The following PPM1D variants were observed in gnomAD, a reference collection of about 807,000 sequenced individuals.
PPM1D encodes protein phosphatase 1D.
In PPM1D, 52 loss-of-function variants were observed where a neutral mutation model predicts 58.3. The ratio of observed to expected loss-of-function variants is 0.89; its 90% CI spans 0.71 to 1.12. The LOEUF (loss-of-function observed/expected upper bound fraction) is 1.12, where lower values mean the gene tolerates loss of function less well. PPM1D is among the 50% of genes most tolerant of loss of function. PPM1D has a pLI of 0.00. For missense variants in PPM1D, 564 were observed against 777.2 expected (o/e 0.73, Z 3.26); for synonymous variants, 278 against 285.1 (o/e 0.98, Z 0.25).
intron 5 of PPM1D, among the ~76,000 whole-genome samples, chr17:60,661,333 A>G (rs1377260415): frequency 3.3e-5 from 5 of 151,126 alleles, no homozygotes; most frequent in African/African-American, 1.2e-4. Flanking sequence ...TTCAGAATCT[A>G]TTAATATTTT....
intron 2 of PPM1D, among the ~76,000 whole-genome samples, chr17:60,632,359 C>T (rs557928526): frequency 6.6e-6 from 1 of 152,208 alleles, no homozygotes; most frequent in South Asian, 2.1e-4. Context: ...TACAGAAATA[C>T]CTAAATATAT....
chr17:60,638,831 A>G (rs1466660949), intron 3 of PPM1D, among the ~76,000 whole-genome samples: 2 of 151,196 alleles, frequency 1.3e-5, no homozygotes, highest in East Asian at 2.0e-4. Context: ...GGGCGGGGGA[A>G]GGGGTGGGAA....
chr17:60,606,999 A>T (rs28433822), intron 1 of PPM1D, among the ~76,000 whole-genome samples: 10 of 143,036 alleles, frequency 7.0e-5, no homozygotes, highest in African/African-American at 1.5e-4. Context: ...TTTTTTTTTA[A>T]TTTTTTTTTT....
chr17:60,633,794 C>T, intron 2 of PPM1D, 59 bp from the exon 3 acceptor site: 1 of 1,417,030 alleles, frequency 7.1e-7, no homozygotes, highest in South Asian at 1.3e-5. Flanking sequence ...ATATACTGAG[C>T]TATCTTAGTT....
chr17:60,639,689 C>G (rs573835686), intron 3 of PPM1D, among the ~76,000 whole-genome samples: 1 of 152,308 alleles, frequency 6.6e-6, no homozygotes, highest in Non-Finnish European at 1.5e-5. Flanking sequence ...CCGCCTGCCT[C>G]GGGTTCCCAA....
chr17:60,609,291 CACCATGTTGG>C (rs1359977457), intron 1 of PPM1D, among the ~76,000 whole-genome samples: 1 of 151,738 alleles, frequency 6.6e-6, no homozygotes, highest in African/African-American at 2.4e-5. Flanking sequence ...GATGGGGTTT[CACCATGTTGG>C]CCAGGCTGGT....
Position 60,645,546 on chromosome 17 carries a change from G to GTA in PPM1D, c.827-2338_827-2337dup, listed in dbSNP as rs771054328. On this transcript the variant is annotated intron_variant, in intron 3 of 5. Transcript: ENST00000305921. ...TGTATATATATATGTGTATATATATGTATATATATGTGTGTGTATATATAT... is the reference window on the plus strand; with the variant it reads ...TGTATATATATATGTGTATATATATGTATATATATATGTGTGTGTATATATAT... 6.9e-5 allele frequency among the ~76,000 whole-genome samples: 8 copies of GTA among 115,258 alleles called. No homozygotes were observed. In the East Asian group the frequency reaches 1.2e-3, roughly 18 times the overall value. The allele number at this position is 115,258 out of a possible 152,430, so 75.6% of individuals were successfully genotyped here. A position where few individuals can be genotyped will look rare whatever the true frequency, so the allele number is the denominator to read the frequency against.
At chr17:60,640,899 G>T (rs889729472) in intron 3 of PPM1D, among the ~76,000 whole-genome samples, 1 of 151,948 alleles carries the variant, frequency 6.6e-6, no homozygotes, top group Non-Finnish European at 1.5e-5. Flanking sequence ...ATGGCCTCCA[G>T]CTGCATCTGT....
At chr17:60,644,888 T>A (rs1198932521) in intron 3 of PPM1D, among the ~76,000 whole-genome samples, 2 of 152,224 alleles carry the variant, frequency 1.3e-5, no homozygotes, top group African/African-American at 4.8e-5. Context: ...TACTTAGGTA[T>A]AATTGTAACA....
At chr17:60,653,563 TTA>T (rs2031382887) in intron 4 of PPM1D, among the ~76,000 whole-genome samples, 1 of 152,194 alleles carries the variant, frequency 6.6e-6, no homozygotes, top group Non-Finnish European at 1.5e-5. Flanking sequence ...AAAGAAAAAA[TTA>T]TGTGAAGAAT....
At chr17:60,621,496 G>A (rs960000030) in intron 1 of PPM1D, among the ~76,000 whole-genome samples, 9 of 151,742 alleles carry the variant, frequency 5.9e-5, no homozygotes, top group African/African-American at 1.9e-4. Context: ...CTGGGTTCAA[G>A]TGATTCTCCC....
intron 1 of PPM1D, among the ~76,000 whole-genome samples, chr17:60,619,879 A>C (rs1209013713): frequency 6.6e-6 from 1 of 152,152 alleles, no homozygotes; most frequent in Non-Finnish European, 1.5e-5. Flanking sequence ...AATTTCCGTC[A>C]TGATGCTTGA....
In PPM1D at chr17:60,663,249, CA is replaced by C; in HGVS notation, c.1516del (p.Thr506LeufsTer8). On this transcript the variant is annotated frameshift_variant, in exon 6 of 6. Transcript: ENST00000305921. LOFTEE classifies it high-confidence loss of function. ...IGLVPTNSTN[T>X]VMDQKNLKMS... ...GCCTTGTGCCTACTAATTCAACAAA[CA>C]CTGTCATGGACCAAAAAAATTTGAA... The C allele has an allele frequency of 6.2e-7, 1 of 1,614,124 alleles. No homozygotes were observed. The highest frequency in any genetic ancestry group is 8.5e-7 in the Non-Finnish European group (1 of 1,180,022).
intron 1 of PPM1D, among the ~76,000 whole-genome samples, chr17:60,620,893 G>C (rs1252756367): frequency 6.6e-6 from 1 of 151,802 alleles, no homozygotes; most frequent in African/African-American, 2.4e-5. Context: ...TTTTCTAGGA[G>C]TTTTGTGCTT....
chr17:60,624,911 G>A (rs539334498), intron 2 of PPM1D, among the ~76,000 whole-genome samples: 32 of 152,176 alleles, frequency 2.1e-4, no homozygotes, highest in Non-Finnish European at 3.8e-4. Flanking sequence ...AGACCGAGGC[G>A]GGTGGATTGT....
chr17:60,622,316 G>A (rs558286169), intron 1 of PPM1D, among the ~76,000 whole-genome samples: 1 of 151,906 alleles, frequency 6.6e-6, no homozygotes, highest in East Asian at 1.9e-4. Context: ...AAACTTCCAG[G>A]AATTCTTCAT....
At chr17:60,642,223 T>C (rs1170386290) in intron 3 of PPM1D, among the ~76,000 whole-genome samples, 1 of 152,138 alleles carries the variant, frequency 6.6e-6, no homozygotes. Context: ...TTCTAGGGAC[T>C]TTTACTAGCA....
At chr17:60,630,495 A>G (rs2030898778) in intron 2 of PPM1D, among the ~76,000 whole-genome samples, 1 of 152,136 alleles carries the variant, frequency 6.6e-6, no homozygotes, top group South Asian at 2.1e-4. Flanking sequence ...GTCCCGGCCT[A>G]GGCAACGGGC....
rs946835027 is a variant in PPM1D, at chr17:60,637,456, GTGA to G, written c.826+3481_826+3483del. Among the ~76,000 whole-genome samples the G allele has an allele frequency of 5.9e-5, 9 of 152,144 alleles. 1 individual carries two copies. The highest frequency in any genetic ancestry group is 2.2e-4 in the African/African-American group (9 of 41,434). Reference sequence around the variant, plus strand: ...GCTGGAAAAATGGAGTTGCCACTAAGTGATAAAGAAATGACTGGAACATCAGTG... The same window carrying G: ...GCTGGAAAAATGGAGTTGCCACTAAGTAAAGAAATGACTGGAACATCAGTG... On this transcript the variant is annotated intron_variant, in intron 3 of 5. Coordinates refer to ENST00000305921, the MANE Select transcript of PPM1D (RefSeq NM_003620.4).
Sources: gnomAD v4.1 joint callset for allele counts (sites outside exome capture counted in the v4.1 genomes callset) on GRCh38, gnomAD v4.1.1 for gene constraint, MANE v1.5 for transcripts, NCBI Gene and HGNC (gene_info 2026-07-23, HGNC 2026-07-21) for gene names.